The following NTRK3 variants were observed in gnomAD, a reference collection of about 807,000 sequenced individuals.
The protein encoded by NTRK3 is neurotrophic receptor tyrosine kinase 3, also known as NT-3 growth factor receptor.
A neutral mutation model predicts 91.7 loss-of-function variants in NTRK3; 24 were observed. That is an observed-to-expected ratio of 0.26 (90% CI 0.19 to 0.37). The LOEUF (loss-of-function observed/expected upper bound fraction) is 0.37, where lower values mean the gene tolerates loss of function less well. NTRK3 is among the 10% of genes least tolerant of loss of function. NTRK3 has a pLI of 1.00. For synonymous variants in NTRK3, 483 were observed against 404.0 expected (o/e 1.20, Z -2.34); for missense variants, 880 against 1,068.9 (o/e 0.82, Z 2.46).
At chr15:87,901,561 G>A (rs1008407784) in intron 17 of NTRK3, among the ~76,000 whole-genome samples, 2 of 152,186 alleles carry the variant, frequency 1.3e-5, no homozygotes, top group African/African-American at 4.8e-5. Flanking sequence ...TCCAAGTTTG[G>A]GAGTTGAGTT....
chr15:87,952,457 T>C (rs117083606), intron 14 of NTRK3, among the ~76,000 whole-genome samples: 2,668 of 152,208 alleles, frequency 0.018, 30 homozygotes, highest in Non-Finnish European at 0.025. Flanking sequence ...TTCCCTCAGG[T>C]GTGCAGTGGA....
intron 13 of NTRK3, among the ~76,000 whole-genome samples, chr15:88,096,055 T>C (rs2049561750): frequency 6.6e-6 from 1 of 152,142 alleles, no homozygotes; most frequent in Non-Finnish European, 1.5e-5. Flanking sequence ...AATGGGAAAA[T>C]AATTTTAGGT....
chr15:88,146,487 C>A (rs1271486734), intron 6 of NTRK3, among the ~76,000 whole-genome samples: 1 of 152,190 alleles, frequency 6.6e-6, no homozygotes, highest in Non-Finnish European at 1.5e-5. Flanking sequence ...TGCCTCAATT[C>A]CTTTTCAATT....
chr15:88,033,066 G>T, intron 13 of NTRK3, 21 bp from the exon 14 acceptor site: 2 of 1,556,834 alleles, frequency 1.3e-6, no homozygotes, highest in African/African-American at 2.7e-5. Context: ...CAAGAGAGAC[G>T]CAGGACCTGG....
chr15:87,934,273 C>T (rs1024966986), intron 15 of NTRK3, among the ~76,000 whole-genome samples: 4 of 152,200 alleles, frequency 2.6e-5, no homozygotes, highest in South Asian at 4.1e-4. Flanking sequence ...TGGGGCCCAA[C>T]ATTGAGTTGT....
intron 14 of NTRK3, among the ~76,000 whole-genome samples, chr15:87,955,334 C>G (rs2071547672): frequency 6.6e-6 from 1 of 152,228 alleles, no homozygotes; most frequent in South Asian, 2.1e-4. Flanking sequence ...CTATAGAGAA[C>G]TCTGACTGCC....
intron 3 of NTRK3, among the ~76,000 whole-genome samples, chr15:88,192,272 G>A (rs927879271): frequency 1.1e-4 from 17 of 152,288 alleles, no homozygotes; most frequent in African/African-American, 3.8e-4. Flanking sequence ...TAACTCCCAG[G>A]AGCGAGATTT....
At position 88,034,814 on chromosome 15, in the gene NTRK3, G is replaced by A. The variant is rs1009717569; in HGVS notation, c.1397-1769C>T. On this transcript the variant is annotated intron_variant, in intron 13 of 18. Transcript: ENST00000394480. ...CTGTGTTTGGAGACCGTATGGAAAA[G>A]TAGCTGTAAGTGGTTGCCCAAATAC... Among the ~76,000 whole-genome samples, 7 of 152,162 alleles carry A rather than the reference G, an allele frequency of 4.6e-5. No homozygotes were observed. In the East Asian group the frequency reaches 1.3e-3, roughly 29 times the overall value.
At position 88,144,565 on chromosome 15, in the gene NTRK3, T is replaced by C. The variant is rs187792636; in HGVS notation, c.464+2770A>G. Among the ~76,000 whole-genome samples, 42 of 152,228 alleles carry C rather than the reference T, an allele frequency of 2.8e-4. No individual in the cohort carries two copies. The East Asian group carries it at 6.8e-3, about 24-fold the overall frequency. ...CTTGAGTCAGGTAAGAGAAACAGCC[T>C]GGTCTTTGGAAACAGCAGATCGGGG... is the stretch of plus-strand genomic sequence containing the variant. On this transcript the variant is annotated intron_variant, in intron 6 of 18. Transcript: ENST00000394480.
chr15:87,922,572 T>C (rs908069978), intron 17 of NTRK3, among the ~76,000 whole-genome samples: 9 of 152,134 alleles, frequency 5.9e-5, no homozygotes, highest in Admixed American at 5.9e-4. Flanking sequence ...AAACAAAAAA[T>C]GAAATACAAC....
At chr15:87,880,752 A>G (rs1475120206) in intron 17 of NTRK3, among the ~76,000 whole-genome samples, 1 of 152,248 alleles carries the variant, frequency 6.6e-6, no homozygotes, top group East Asian at 1.9e-4. Flanking sequence ...CTTAAGAGCA[A>G]GTCCAGCAAG....
intron 3 of NTRK3, among the ~76,000 whole-genome samples, chr15:88,217,760 C>A (rs1446314225): frequency 2.5e-5 from 2 of 78,754 alleles, no homozygotes; most frequent in Non-Finnish European, 2.7e-5. Context: ...TGTTTTGTAG[C>A]ACAATTTTTT....
chr15:87,994,779 C>T (rs539610414), intron 14 of NTRK3, among the ~76,000 whole-genome samples: 129 of 152,262 alleles, frequency 8.5e-4, no homozygotes, highest in South Asian at 3.5e-3. Flanking sequence ...ATTAGGAACA[C>T]GATGTTGCAG....
chr15:87,987,028 G>A (rs1174449938), intron 14 of NTRK3, among the ~76,000 whole-genome samples: 1 of 152,224 alleles, frequency 6.6e-6, no homozygotes, highest in Non-Finnish European at 1.5e-5. Context: ...TTTACTCAAA[G>A]TGCAGGCAAG....
At chr15:88,064,264 G>A (rs954820641) in intron 13 of NTRK3, among the ~76,000 whole-genome samples, 3 of 152,214 alleles carry the variant, frequency 2.0e-5, no homozygotes, top group African/African-American at 4.8e-5. Flanking sequence ...CTTCAAAACA[G>A]TAAGAGAATA....
chr15:88,060,811 T>C (rs564250022), intron 13 of NTRK3, among the ~76,000 whole-genome samples: 64 of 152,330 alleles, frequency 4.2e-4, no homozygotes, highest in Non-Finnish European at 7.9e-4. Flanking sequence ...ATAATCCAAG[T>C]GTAAGAAGTT....
At chr15:88,096,567 C>T (rs1191461942) in intron 13 of NTRK3, among the ~76,000 whole-genome samples, 2 of 152,172 alleles carry the variant, frequency 1.3e-5, no homozygotes, top group Admixed American at 6.5e-5. Flanking sequence ...TTTTTCTTTG[C>T]CTAAGGACTT....
chr15:88,046,045 T>C (rs1028689875), intron 13 of NTRK3, among the ~76,000 whole-genome samples: 8 of 152,338 alleles, frequency 5.3e-5, no homozygotes, highest in African/African-American at 1.9e-4. Flanking sequence ...CACAGCACCA[T>C]GTCTCCCATA....
intron 3 of NTRK3, among the ~76,000 whole-genome samples, chr15:88,228,740 C>T (rs1349862069): frequency 6.6e-6 from 1 of 152,190 alleles, no homozygotes; most frequent in Non-Finnish European, 1.5e-5. Flanking sequence ...CAGAGGGGAA[C>T]TGGAGGTCTG....
Sources: allele counts gnomAD v4.1 joint callset (sites outside exome capture counted in the v4.1 genomes callset), GRCh38; gene constraint gnomAD v4.1.1; transcripts MANE v1.5; gene names NCBI Gene and HGNC (gene_info 2026-07-23, HGNC 2026-07-21).